TSHZ2: variants seen among roughly 807,000 people sequenced by gnomAD.
TSHZ2 encodes teashirt zinc finger homeobox 2.
In TSHZ2, 21 loss-of-function variants were observed where a neutral mutation model predicts 74.4. That is an observed-to-expected ratio of 0.28 (90% confidence interval 0.20 to 0.41). The LOEUF is 0.41. Among genes scored for constraint, TSHZ2 ranks in the 10% least tolerant of loss-of-function variants. The pLI, the probability that TSHZ2 is intolerant of heterozygous loss-of-function variation, is 1.00. For synonymous variants in TSHZ2, 540 were observed against 515.3 expected (o/e 1.05, Z -0.65); for missense variants, 1,244 against 1,293.5 (o/e 0.96, Z 0.59).
chr20:53,474,175 C>T (rs1287260580), intron 2 of TSHZ2, among the ~76,000 whole-genome samples: 3,809 of 148,118 alleles, frequency 0.026, 178 homozygotes, highest in African/African-American at 0.091. Context: ...AGATACTCCT[C>T]GAGAAGAGCA....
At chr20:53,106,935 T>C (rs1368268409) in intron 1 of TSHZ2, among the ~76,000 whole-genome samples, 3 of 149,582 alleles carry the variant, frequency 2.0e-5, no homozygotes, top group African/African-American at 7.4e-5. Context: ...TGACCTCAAG[T>C]GATCCGCCCA....
At chr20:53,060,612 A>C (rs538652610) in intron 1 of TSHZ2, among the ~76,000 whole-genome samples, 15 of 152,346 alleles carry the variant, frequency 9.8e-5, no homozygotes, top group African/African-American at 3.6e-4. Flanking sequence ...GTTGGAGCTT[A>C]AGCATGGAGC....
intron 2 of TSHZ2, among the ~76,000 whole-genome samples, chr20:53,387,089 A>T (rs1481266842): frequency 6.6e-6 from 1 of 152,086 alleles, no homozygotes; most frequent in Non-Finnish European, 1.5e-5. Context: ...CTGACTTCAC[A>T]CACCTGCCTA....
intron 1 of TSHZ2, among the ~76,000 whole-genome samples, chr20:53,030,979 T>C (rs998113436): frequency 6.6e-6 from 1 of 152,268 alleles, no homozygotes; most frequent in African/African-American, 2.4e-5. Flanking sequence ...ACCTATTAAC[T>C]TCGCCTTATT....
chr20:52,979,526 C>T (rs181235370), intron 1 of TSHZ2, among the ~76,000 whole-genome samples: 794 of 152,260 alleles, frequency 5.2e-3, no homozygotes, highest in Middle Eastern at 0.017. Flanking sequence ...TATACATACA[C>T]AGAGACACAG....
At chr20:53,106,053 A>G (rs1326888862) in intron 1 of TSHZ2, among the ~76,000 whole-genome samples, 2 of 152,254 alleles carry the variant, frequency 1.3e-5, no homozygotes, top group African/African-American at 4.8e-5. Context: ...ACAAGTGTTT[A>G]GCATATCCAT....
At chr20:53,345,821 T>C (rs554001557) in intron 2 of TSHZ2, among the ~76,000 whole-genome samples, 1 of 150,344 alleles carries the variant, frequency 6.7e-6, no homozygotes. Flanking sequence ...CCTAAGGCGG[T>C]GGCGTGATCA....
intron 1 of TSHZ2, among the ~76,000 whole-genome samples, chr20:53,057,956 G>C (rs1206498703): frequency 6.6e-6 from 1 of 151,978 alleles, no homozygotes; most frequent in Non-Finnish European, 1.5e-5. Context: ...CAACCTTTTG[G>C]GCTCCGGGAA....
intron 2 of TSHZ2, among the ~76,000 whole-genome samples, chr20:53,335,150 G>A (rs371793143): frequency 5.9e-5 from 9 of 152,252 alleles, no homozygotes; most frequent in African/African-American, 1.7e-4. Flanking sequence ...CGTCAGCATC[G>A]CCTGGACAGT....
intron 1 of TSHZ2, among the ~76,000 whole-genome samples, chr20:53,086,620 A>T (rs1367355065): frequency 6.6e-6 from 1 of 152,160 alleles, no homozygotes; most frequent in East Asian, 1.9e-4. Context: ...TGGTGGCCTT[A>T]ACCATAAAAT....
chr20:53,116,022 G>T (rs1403640329), intron 1 of TSHZ2, among the ~76,000 whole-genome samples: 2 of 152,136 alleles, frequency 1.3e-5, no homozygotes, highest in African/African-American at 4.8e-5. Context: ...TGAGACAGGT[G>T]ATGCAGTGAG....
At chr20:53,175,131 CTTTTTTTTTTT>C (rs750453219) in intron 1 of TSHZ2, among the ~76,000 whole-genome samples, 44 of 63,640 alleles carry the variant, frequency 6.9e-4, no homozygotes, top group Admixed American at 4.0e-3. Context: ...CTTCTTCTTT[CTTTTTTTTTTT>C]TTTTTTTTTT....
chr20:53,368,689 C>T (rs1194822262), intron 2 of TSHZ2, among the ~76,000 whole-genome samples: 1 of 152,130 alleles, frequency 6.6e-6, no homozygotes, highest in African/African-American at 2.4e-5. Context: ...ACATTTACAC[C>T]TTTCATGAGC....
At chr20:53,225,634 T>C (rs890203764) in intron 1 of TSHZ2, among the ~76,000 whole-genome samples, 24 of 152,340 alleles carry the variant, frequency 1.6e-4, no homozygotes, top group African/African-American at 5.5e-4. Context: ...ATGGCAACTA[T>C]TGGTAGTTTT....
chr20:53,253,674 T>C lies in TSHZ2; in HGVS notation c.216T>C (p.Ser72=), dbSNP rs201372486. The part of the protein sequence containing the change: ...GCFSYQNSPG[S]HLSNQDAENE... Reference sequence around the variant, plus strand: ...TCAGCTACCAGAACTCTCCAGGAAGTCATTTGTCCAATCAGGATGCCGAGA... The same window carrying C: ...TCAGCTACCAGAACTCTCCAGGAAGCCATTTGTCCAATCAGGATGCCGAGA... Residue 72 remains serine (S), a synonymous_variant, in exon 2 of 3, where the codon AGT becomes AGC. Transcript: ENST00000371497. 1.3e-5 allele frequency: 21 copies of C among 1,614,018 alleles called. 1 individual carries two copies. The Middle Eastern group carries it at 4.9e-4, about 38-fold the overall frequency.
chr20:53,161,130 C>CAAAAAA (rs368626161), intron 1 of TSHZ2, among the ~76,000 whole-genome samples: 837 of 67,930 alleles, frequency 0.012, 113 homozygotes, highest in African/African-American at 0.048. Context: ...TTATTTTCAG[C>CAAAAAA]AAAAAAAAAA....
intron 1 of TSHZ2, among the ~76,000 whole-genome samples, chr20:53,202,020 C>G (rs1202393950): frequency 1.3e-5 from 2 of 152,214 alleles, no homozygotes; most frequent in African/African-American, 4.8e-5. Flanking sequence ...CTAACCACCA[C>G]AAGTAACAAG....
chr20:53,388,593 C>CTT (rs773016204), intron 2 of TSHZ2, among the ~76,000 whole-genome samples: 26 of 142,384 alleles, frequency 1.8e-4, no homozygotes, highest in African/African-American at 5.1e-4. Flanking sequence ...TTTTTTCTTT[C>CTT]TTTTTTTTTT....
chr20:53,390,613 A>G (rs1281971352), intron 2 of TSHZ2, among the ~76,000 whole-genome samples: 1 of 152,194 alleles, frequency 6.6e-6, no homozygotes, highest in Non-Finnish European at 1.5e-5. Flanking sequence ...ATACATGTAC[A>G]TGTGTCTTTA....
Sources: allele counts gnomAD v4.1 joint callset (sites outside exome capture counted in the v4.1 genomes callset), GRCh38; gene constraint gnomAD v4.1.1; transcripts MANE v1.5; gene names NCBI Gene and HGNC (gene_info 2026-07-23, HGNC 2026-07-21).